NTRK1: variants seen among roughly 807,000 people sequenced by gnomAD.
NTRK1 encodes neurotrophic receptor tyrosine kinase 1.
In NTRK1, 62 loss-of-function variants were observed where a neutral mutation model predicts 86.8. The ratio of observed to expected loss-of-function variants is 0.71; its 90% confidence interval spans 0.58 to 0.88. NTRK1 has a LOEUF of 0.88. Ranked by LOEUF, NTRK1 falls within the 40% of genes least tolerant of loss-of-function variation. NTRK1 has a pLI of 0.00. For synonymous variants in NTRK1, 469 were observed against 456.6 expected (o/e 1.03, Z -0.35); for missense variants, 967 against 1,078.4 (o/e 0.90, Z 1.45).
rs771930428 is a variant in NTRK1, at chr1:156,871,640, A to G, written c.735A>G (p.Pro245=). 5.6e-6 allele frequency: 9 copies of G among 1,613,980 alleles called. No individual in the cohort carries two copies. The highest frequency in any genetic ancestry group is 1.3e-5 in the African/African-American group (1 of 74,876). ...TGATCTAGAAATCTGGGGGTCTGCC[A>G]TCCCTGGGGCTGACCCTGGCCAATG... The part of the protein sequence containing the change: ...SATVMKSGGL[P]SLGLTLANVT... The change falls in exon 7 of 17, where the codon CCA becomes CCG. Residue 245 remains proline, a synonymous_variant. Coordinates refer to ENST00000524377, the MANE Select transcript of NTRK1 (RefSeq NM_002529.4).
chr1:156,843,018 T>C (rs1254300726), intron 2 of NTRK1: 9 of 1,613,412 alleles, frequency 5.6e-6, no homozygotes, highest in Non-Finnish European at 7.6e-6. Context: ...TGGTGACACT[T>C]GAAGGCTTTC....
intron 2 of NTRK1, chr1:156,848,844 C>G (rs1655098158): frequency 1.3e-6 from 2 of 1,499,970 alleles, no homozygotes; most frequent in Non-Finnish European, 1.8e-6. Context: ...TGAGCTCCGC[C>G]CTCACCTGCC....
rs1655628449 is a variant in NTRK1 at position 156,861,127 on chromosome 1, G to A, written c.193G>A (p.Ala65Thr). The change falls in exon 1 of 17, where the codon GCA (alanine) becomes ACA (threonine). Residue 65 changes from alanine (A) to threonine (T), a missense_variant. Physicochemically the swap from Ala to Thr is moderately conservative, Grantham distance 58. Coordinates refer to ENST00000524377, the MANE Select transcript of NTRK1 (RefSeq NM_002529.4). ...GGATAGCCTCCACCACCTGCCCGGC[G>A]CAGAGAACCTGACTGAGCTGTGAGT... ...ALDSLHHLPGAENLTELYIEN... is the reference protein window; with the variant it reads ...ALDSLHHLPGTENLTELYIEN... The A allele has an allele frequency of 6.3e-7, 1 of 1,579,962 alleles. No individual in the cohort carries two copies. Among genetic ancestry groups the A allele is most frequent in the Non-Finnish European group, 8.6e-7 (1 of 1,166,930 alleles).
chr1:156,816,251 G>A, intron 1 of NTRK1: 1 of 826,616 alleles, frequency 1.2e-6, no homozygotes, highest in Non-Finnish European at 1.5e-6. Context: ...TCTCAGGCAT[G>A]AGGTTAAGTA....
intron 1 of NTRK1, among the ~76,000 whole-genome samples, chr1:156,831,048 G>C (rs545588440): frequency 1.3e-5 from 2 of 152,318 alleles, no homozygotes; most frequent in African/African-American, 4.8e-5. Context: ...CCTGCATGCT[G>C]CTGGGCCCTG....
chr1:156,861,045 C>G lies in NTRK1; in HGVS notation c.111C>G (p.Pro37=). Residue 37 remains proline (P), a synonymous_variant, in exon 1 of 17, where the codon CCC becomes CCG. Transcript: ENST00000524377. ...ILASAGAAPC[P]DACCPHGSSG... ...CATCTGCGGGCGCCGCACCCTGCCC[C>G]GATGCCTGCTGCCCCCACGGCTCCT... 2 of 1,555,932 alleles carry G rather than the reference C, an allele frequency of 1.3e-6. No homozygotes were observed. The highest frequency in any genetic ancestry group is 2.3e-5 in the South Asian group (2 of 85,572).
chr1:156,874,865 A>G (rs1208054448), intron 10 of NTRK1, 41 bp from the exon 11 acceptor site: 1 of 1,452,254 alleles, frequency 6.9e-7, no homozygotes, highest in Non-Finnish European at 9.7e-7. Context: ...CTGAGAGTAC[A>G]GGAGGAGCCC....
intron 9 of NTRK1, 32 bp from the exon 10 acceptor site, chr1:156,874,539 A>G (rs2102909725): frequency 6.2e-7 from 1 of 1,612,888 alleles, no homozygotes; most frequent in Non-Finnish European, 8.5e-7. Context: ...GTGTGTGTCA[A>G]GGCTCACCCC....
intron 1 of NTRK1, among the ~76,000 whole-genome samples, chr1:156,824,178 T>C (rs1029374902): frequency 2.8e-4 from 43 of 152,162 alleles, no homozygotes; most frequent in Non-Finnish European, 1.0e-4. Flanking sequence ...AGTCAGTGTA[T>C]ATTCTTACCC....
chr1:156,877,133 G>A (rs182008838), intron 14 of NTRK1, among the ~76,000 whole-genome samples: 54 of 152,238 alleles, frequency 3.5e-4, no homozygotes, highest in Middle Eastern at 3.4e-3. Context: ...CAATTCTCCC[G>A]CCTTAGCCTC....
At position 156,854,345 on chromosome 1, in the gene NTRK1, C is replaced by T; in HGVS notation, c.51-10009C>T. 1.3e-6 allele frequency: 2 copies of T among 1,539,354 alleles called. No individual in the cohort carries two copies. Among genetic ancestry groups the T allele is most frequent in the South Asian group, 1.2e-5 (1 of 80,582 alleles). ...CACGCAGCATTGAGTACAGCCCAGG[C>T]CAAATTCCCCATCCAGCCCTGGCAG... On this transcript the variant is annotated intron_variant, in intron 2 of 16. Coordinates refer to the NTRK1 transcript ENST00000392302. The surrounding 1 kb of genome is among the most constrained non-coding windows in gnomAD (Gnocchi z 4.2).
At chr1:156,845,935 G>T (rs762915390) in intron 2 of NTRK1, 10 of 1,607,952 alleles carry the variant, frequency 6.2e-6, no homozygotes, top group Non-Finnish European at 8.5e-6. Context: ...GCCGGCCTGC[G>T]CGTCGTCCCT....
At chr1:156,830,355 C>T (rs1654436115) in intron 1 of NTRK1, among the ~76,000 whole-genome samples, 1 of 152,148 alleles carries the variant, frequency 6.6e-6, no homozygotes, top group South Asian at 2.1e-4. Context: ...TACGAGACTG[C>T]CAGGAATCTC....
intron 1 of NTRK1, among the ~76,000 whole-genome samples, chr1:156,834,016 C>T (rs909763597): frequency 1.3e-5 from 2 of 152,198 alleles, no homozygotes; most frequent in Admixed American, 6.5e-5. Context: ...TCTCTTTTTG[C>T]TTCTCAACCC....
At chr1:156,877,168 A>T (rs1361434338) in intron 14 of NTRK1, among the ~76,000 whole-genome samples, 5 of 152,128 alleles carry the variant, frequency 3.3e-5, no homozygotes, top group African/African-American at 7.2e-5. Flanking sequence ...CTACAGGTGC[A>T]CACCATTGCA....
rs1262897406 is a variant in NTRK1 at position 156,868,384 on chromosome 1, G to T, written c.575-121G>T. 5 of 1,534,368 alleles carry T rather than the reference G, an allele frequency of 3.3e-6. No homozygotes were observed. In the African/African-American group the frequency reaches 4.1e-5, roughly 13 times the overall value. Reference sequence around the variant, plus strand: ...CAAAGGCTGGGGGAAACTGCCTGGGGTGACATCGCCTGGGCTCCAGGTCAT... The same window carrying T: ...CAAAGGCTGGGGGAAACTGCCTGGGTTGACATCGCCTGGGCTCCAGGTCAT... On this transcript the variant is annotated intron_variant, in intron 5 of 16. Transcript: ENST00000524377.
chr1:156,827,039 A>T lies in NTRK1; in HGVS notation c.-64+11201A>T, dbSNP rs190329774. ...AACTCAGCTCCTTGTTTTGGAGCTC[A>T]CTTCTGGGGGAAAAGAAATAATCAT... On this transcript the variant is annotated intron_variant, in intron 1 of 16. Coordinates refer to the NTRK1 transcript ENST00000392302. Among the ~76,000 whole-genome samples, 9 of 152,290 alleles carry T rather than the reference A, an allele frequency of 5.9e-5. No homozygotes were observed. The East Asian group carries it at 1.5e-3, about 26-fold the overall frequency.
upstream of NTRK1, among the ~76,000 whole-genome samples, chr1:156,856,096 A>G (rs1655397892): frequency 6.6e-6 from 1 of 152,098 alleles, no homozygotes; most frequent in South Asian, 2.1e-4. Context: ...GGTATCAGCT[A>G]TCATGCGTGG....
intron 16 of NTRK1, among the ~76,000 whole-genome samples, chr1:156,881,214 T>C (rs1348552741): frequency 6.6e-6 from 1 of 152,188 alleles, no homozygotes; most frequent in Non-Finnish European, 1.5e-5. Context: ...ATCCCAGTTT[T>C]CTGGAAGCAA....
Sources: allele counts gnomAD v4.1 joint callset (sites outside exome capture counted in the v4.1 genomes callset), GRCh38; gene constraint gnomAD v4.1.1; non-coding constraint Gnocchi (gnomAD v3.1); transcripts MANE v1.5; gene names NCBI Gene and HGNC (gene_info 2026-07-23, HGNC 2026-07-21).